Variants in STPG2 observed in about 807,000 individuals in gnomAD.
STPG2 encodes sperm-tail PG-rich repeat-containing protein 2.
A neutral mutation model predicts 54.2 loss-of-function variants in STPG2; 56 were observed. The ratio of observed to expected loss-of-function variants is 1.03; its 90% confidence interval spans 0.83 to 1.29. The LOEUF (loss-of-function observed/expected upper bound fraction) is 1.29. Ranked by LOEUF, STPG2 falls within the 50% of genes most tolerant of loss-of-function variation. STPG2 has a pLI of 0.00. For missense variants in STPG2, 596 were observed against 544.9 expected, an observed-to-expected ratio of 1.09 and a Z score of -0.93; for synonymous variants, 200 against 181.8, an observed-to-expected ratio of 1.10 and a Z score of -0.81.
intron 8 of STPG2, among the ~76,000 whole-genome samples, chr4:97,871,346 T>A (rs1729983009): frequency 1.3e-5 from 2 of 150,650 alleles, no homozygotes; most frequent in African/African-American, 4.8e-5. Flanking sequence ...TTTTAAAAGA[T>A]CAAAATCCTG....
At chr4:97,804,942 G>A (rs1727505561) in intron 9 of STPG2, among the ~76,000 whole-genome samples, 1 of 152,156 alleles carries the variant, frequency 6.6e-6, no homozygotes, top group South Asian at 2.1e-4. Flanking sequence ...TGGCTTAGCT[G>A]TGTAGTAAGC....
Position 97,972,300 on chromosome 4 carries a change from G to A in STPG2, c.913C>T (p.Pro305Ser). The change falls in exon 7 of 11, where the codon CCT becomes TCT. Residue 305 changes from proline to serine, a missense_variant. By Grantham distance (74) the Pro-to-Ser change is moderately conservative. Transcript: ENST00000295268. ...FSVQKEACATPGPADYQEFWH... is the reference protein window; with the variant it reads ...FSVQKEACATSGPADYQEFWH... ...ATTACCTGATAATCAGCAGGTCCAG[G>A]GGTAGCACAAGCTTCTTTCTGAACC... The A allele has an allele frequency of 1.2e-6, 2 of 1,600,538 alleles. No homozygotes were observed. Among genetic ancestry groups the A allele is most frequent in the Non-Finnish European group, 8.5e-7 (1 of 1,173,582 alleles).
rs866761361 is a variant in STPG2 at position 97,463,642 on chromosome 4, G to T, written c.462+249057C>A. 3 of 152,254 alleles carry T rather than the reference G, an allele frequency of 2.0e-5. No individual in the cohort carries two copies. In the Middle Eastern group the frequency reaches 0.01, roughly 518 times the overall value. The allele number at this position is 152,254 out of a possible 1,614,324, so 9.4% of individuals were successfully genotyped here. ...TTTTCGTATTTTCAGTAAAGATGGA[G>T]TTTCACCATGTTGGCCAAGCTGTTC... is the stretch of plus-strand genomic sequence containing the variant. On this transcript the variant is annotated intron_variant, in intron 4 of 4. Transcript: ENST00000522676.
Position 98,078,479 on chromosome 4 carries a change from T to C in STPG2, c.612+27474A>G, listed in dbSNP as rs575043393. Reference sequence around the variant, plus strand: ...TGTAAAGAGTAACTATCTCATAGAATAGTTTTCATGATTTCAGTGTTTTAA... The same window carrying C: ...TGTAAAGAGTAACTATCTCATAGAACAGTTTTCATGATTTCAGTGTTTTAA... On this transcript the variant is annotated intron_variant, in intron 5 of 10. Transcript: ENST00000295268. Among the ~76,000 whole-genome samples, 7 of 152,100 alleles carry C rather than the reference T, an allele frequency of 4.6e-5. No homozygotes were observed. The South Asian group carries it at 1.5e-3, about 32-fold the overall frequency.
At chr4:97,963,703 C>T (rs1300998352) in intron 7 of STPG2, among the ~76,000 whole-genome samples, 3 of 151,344 alleles carry the variant, frequency 2.0e-5, no homozygotes, top group Non-Finnish European at 4.4e-5. Flanking sequence ...TATATATACA[C>T]ACATATATAT....
At chr4:97,635,588 G>A (rs1268312620) in intron 10 of STPG2, among the ~76,000 whole-genome samples, 1 of 152,144 alleles carries the variant, frequency 6.6e-6, no homozygotes, top group African/African-American at 2.4e-5. Context: ...GCTGTATTCA[G>A]GAAACCCGTC....
intron 1 of STPG2, among the ~76,000 whole-genome samples, chr4:98,136,309 T>C (rs1010993854): frequency 6.6e-6 from 1 of 151,670 alleles, no homozygotes; most frequent in African/African-American, 2.4e-5. Flanking sequence ...AATAAAACCA[T>C]TGTAATTTGA....
intron 10 of STPG2, among the ~76,000 whole-genome samples, chr4:97,603,339 T>C (rs956309546): frequency 1.3e-5 from 2 of 151,588 alleles, no homozygotes; most frequent in African/African-American, 4.8e-5. Context: ...TGTGTACAAA[T>C]TGGAACAGTT....
intron 10 of STPG2, among the ~76,000 whole-genome samples, chr4:97,565,575 T>C (rs1732407741): frequency 6.6e-6 from 1 of 152,180 alleles, no homozygotes; most frequent in Non-Finnish European, 1.5e-5. Context: ...TTATCTACTT[T>C]TGGTCTTTGA....
At chr4:97,968,118 T>A (rs1417495265) in intron 7 of STPG2, among the ~76,000 whole-genome samples, 2 of 151,756 alleles carry the variant, frequency 1.3e-5, no homozygotes, top group Non-Finnish European at 2.9e-5. Context: ...ATTAGCAAGA[T>A]TAATAAAGAA....
chr4:97,563,196 T>G (rs1416775202), intron 10 of STPG2, among the ~76,000 whole-genome samples: 3 of 152,206 alleles, frequency 2.0e-5, no homozygotes, highest in Admixed American at 2.0e-4. Context: ...AAGGAATTTA[T>G]CCATTTCTTC....
intron 8 of STPG2, among the ~76,000 whole-genome samples, chr4:97,848,181 A>G (rs528361287): frequency 1.3e-5 from 2 of 152,342 alleles, no homozygotes; most frequent in East Asian, 3.9e-4. Context: ...CAGTTCAAGT[A>G]GTATCTCTTT....
At chr4:98,074,779 G>C (rs1488091165) in intron 5 of STPG2, among the ~76,000 whole-genome samples, 2 of 152,056 alleles carry the variant, frequency 1.3e-5, no homozygotes, top group African/African-American at 4.8e-5. Context: ...AAATCTGTTT[G>C]ATGTTTTTAT....
chr4:97,849,601 G>T (rs1729085017), intron 8 of STPG2, among the ~76,000 whole-genome samples: 1 of 152,134 alleles, frequency 6.6e-6, no homozygotes, highest in East Asian at 1.9e-4. Flanking sequence ...CCATCAAAAA[G>T]TGGGCAAAGG....
At chr4:97,716,909 G>A (rs1372553905) in intron 9 of STPG2, among the ~76,000 whole-genome samples, 1 of 151,936 alleles carries the variant, frequency 6.6e-6, no homozygotes. Flanking sequence ...AATCAGTTAG[G>A]AAATTGTCCA....
At chr4:97,837,371 A>G (rs1172758208) in intron 9 of STPG2, among the ~76,000 whole-genome samples, 2 of 151,816 alleles carry the variant, frequency 1.3e-5, no homozygotes, top group African/African-American at 4.8e-5. Context: ...AACAATGTTT[A>G]TATCTATTTT....
At chr4:97,978,330 T>TA (rs1228121964) in intron 6 of STPG2, among the ~76,000 whole-genome samples, 2 of 151,968 alleles carry the variant, frequency 1.3e-5, no homozygotes, top group East Asian at 1.9e-4. Context: ...TATGCAGCAA[T>TA]AAAAAAGAAT....
chr4:97,500,162 G>A (rs755805890), intron 4 of STPG2, among the ~76,000 whole-genome samples: 1 of 151,960 alleles, frequency 6.6e-6, no homozygotes, highest in African/African-American at 2.4e-5. Context: ...AGCAAAAGAG[G>A]TTATAAAAAG....
intron 10 of STPG2, among the ~76,000 whole-genome samples, chr4:97,568,359 T>G (rs2148881505): frequency 6.6e-6 from 1 of 152,212 alleles, no homozygotes; most frequent in South Asian, 2.1e-4. Flanking sequence ...AATGAGTAAA[T>G]GTGTTGATGT....
Sources: gnomAD v4.1 joint callset for allele counts (sites outside exome capture counted in the v4.1 genomes callset) on GRCh38, gnomAD v4.1.1 for gene constraint, MANE v1.5 for transcripts, NCBI Gene and HGNC (gene_info 2026-07-23, HGNC 2026-07-21) for gene names.